The following DNAH12 variants were observed in gnomAD, a reference collection of about 807,000 sequenced individuals.
DNAH12 encodes the protein axonemal beta dynein heavy chain 12.
Under a neutral mutation model 371.5 loss-of-function variants are expected in DNAH12, and 285 were observed. The observed-to-expected ratio is 0.77, with a 90% confidence interval of 0.70 to 0.85. The LOEUF (loss-of-function observed/expected upper bound fraction) is 0.85. DNAH12 is among the 40% of genes least tolerant of loss of function. The pLI is 0.00. For missense variants in DNAH12, 3,611 were observed against 3,689.4 expected (o/e 0.98, Z 0.55); for synonymous variants, 1,200 against 1,213.0 (o/e 0.99, Z 0.22).
intron 13 of DNAH12, among the ~76,000 whole-genome samples, chr3:57,477,444 A>G (rs1401188753): frequency 6.6e-6 from 1 of 152,132 alleles, no homozygotes; most frequent in African/African-American, 2.4e-5. Context: ...AACTGGGTGG[A>G]GTGCACGGCA....
At chr3:57,376,609 A>G (rs1190136310) in intron 53 of DNAH12, among the ~76,000 whole-genome samples, 2 of 152,274 alleles carry the variant, frequency 1.3e-5, no homozygotes, top group African/African-American at 4.8e-5. Context: ...AGCCAGTTAT[A>G]TCTTCCTTAA....
At chr3:57,419,295 C>T in intron 37 of DNAH12, 72 bp downstream of exon 37, 1 of 1,384,314 alleles carries the variant, frequency 7.2e-7, no homozygotes, top group East Asian at 2.9e-5. Flanking sequence ...TCGAATACTT[C>T]AAAAATTGCC....
intron 59 of DNAH12, among the ~76,000 whole-genome samples, chr3:57,356,605 AAG>A (rs2062807296): frequency 2.0e-5 from 3 of 152,118 alleles, no homozygotes; most frequent in South Asian, 2.1e-4. Context: ...TGAAATATTT[AAG>A]AGAGAGAAGA....
chr3:57,323,109 T>G lies in DNAH12; in HGVS notation c.10281A>C (p.Ala3427=). The change falls in exon 64 of 74, where the codon GCA becomes GCC. Residue 3427 remains alanine, a synonymous_variant. Transcript: ENST00000495027. ...TTTCCAACATGGGCATCCAGGACAC[T>G]GCAAGATGGCAATTCTGTAGGCACA... is the stretch of plus-strand genomic sequence containing the variant. The part of the protein sequence containing the change: ...TWVCLQNCHL[A]VSWMPMLEKI... 6.4e-7 allele frequency: 1 copy of G among 1,552,442 alleles called. No homozygotes were observed. The highest frequency in any genetic ancestry group is 8.7e-7 in the Non-Finnish European group (1 of 1,147,156).
chr3:57,352,260 C>G, intron 59 of DNAH12, 35 bp from the exon 60 acceptor site: 1 of 1,510,912 alleles, frequency 6.6e-7, no homozygotes, highest in Non-Finnish European at 8.8e-7. Context: ...TATTGTCAAA[C>G]AAAACTAAGA....
intron 69 of DNAH12, among the ~76,000 whole-genome samples, chr3:57,304,174 C>T (rs557798169): frequency 3.3e-5 from 5 of 152,118 alleles, no homozygotes; most frequent in South Asian, 2.1e-4. Context: ...CCTCTCTTTT[C>T]GGACTCAGCC....
At position 57,521,063 on chromosome 3, in the gene DNAH12, C is replaced by CA. The variant is rs61570396; in HGVS notation, c.279+2519dup. Among the ~76,000 whole-genome samples, 361 of 54,472 alleles carry CA rather than the reference C, an allele frequency of 6.6e-3. 71 individuals are homozygous for CA. The highest frequency in any genetic ancestry group is 0.013 in the Admixed American group (36 of 2,734). The allele number at this position is 54,472 out of a possible 152,430, so 35.7% of individuals were successfully genotyped here. A position where few individuals can be genotyped will look rare whatever the true frequency, so the allele number is the denominator to read the frequency against. ...TGGGCGACAAAGTGAGACTCTGTCT[C>CA]AAAAAAAAAAAAAAAAAAAAAAAAA... On this transcript the variant is annotated intron_variant, in intron 4 of 73. Transcript: ENST00000495027.
At chr3:57,542,097 C>T (rs1254753486) in intron 2 of DNAH12, among the ~76,000 whole-genome samples, 1 of 141,428 alleles carries the variant, frequency 7.1e-6, no homozygotes, top group Non-Finnish European at 1.5e-5. Context: ...TGAACTGAAC[C>T]AACCTCATCA....
chr3:57,433,264 T>C, intron 32 of DNAH12, 103 bp downstream of exon 32: 1 of 1,326,428 alleles, frequency 7.5e-7, no homozygotes, highest in Non-Finnish European at 9.8e-7. Flanking sequence ...CTGCATCCTT[T>C]ATTTTTGCAT....
At chr3:57,506,333 C>G (rs1025795117) in intron 8 of DNAH12, among the ~76,000 whole-genome samples, 8 of 152,104 alleles carry the variant, frequency 5.3e-5, no homozygotes, top group African/African-American at 9.7e-5. Flanking sequence ...CTTAGAAGCT[C>G]GAAATTTACC....
intron 8 of DNAH12, among the ~76,000 whole-genome samples, chr3:57,507,367 T>C (rs2067800461): frequency 2.0e-5 from 3 of 152,152 alleles, no homozygotes; most frequent in Non-Finnish European, 4.4e-5. Context: ...AGTTCTTTTG[T>C]TAACATACTC....
At chr3:57,460,376 C>T (rs1366896881) in intron 19 of DNAH12, among the ~76,000 whole-genome samples, 1 of 152,138 alleles carries the variant, frequency 6.6e-6, no homozygotes, top group African/African-American at 2.4e-5. Flanking sequence ...AATAAGCCTC[C>T]TTATTCTCAA....
intron 44 of DNAH12, among the ~76,000 whole-genome samples, chr3:57,393,759 A>G (rs1240424575): frequency 6.6e-6 from 1 of 152,124 alleles, no homozygotes; most frequent in Non-Finnish European, 1.5e-5. Flanking sequence ...CAAGACTTTC[A>G]GATGTATCAA....
Position 57,389,839 on chromosome 3 carries a change from T to TATATAA in DNAH12, c.7305+2032_7305+2033insTTATAT, listed in dbSNP as rs1326237791. Reference sequence around the variant, plus strand: ...GTGTGTGTGTATATATATATATATATAATACTTTTTTTTTTGAAATGGAGT... The same window carrying TATATAA: ...GTGTGTGTGTATATATATATATATATATATAAAATACTTTTTTTTTTGAAATGGAGT... On this transcript the variant is annotated intron_variant, in intron 45 of 73. Coordinates refer to ENST00000495027, the MANE Select transcript of DNAH12 (RefSeq NM_001366028.2). Among the ~76,000 whole-genome samples the TATATAA allele has an allele frequency of 1.8e-4, 15 of 84,846 alleles. 1 individual carries two copies. The highest frequency in any genetic ancestry group is 3.5e-4 in the African/African-American group (10 of 28,958). The allele number at this position is 84,846 out of a possible 152,430, so 55.7% of individuals were successfully genotyped here.
intron 4 of DNAH12, among the ~76,000 whole-genome samples, chr3:57,522,856 T>C (rs2068501071): frequency 6.6e-6 from 1 of 151,958 alleles, no homozygotes; most frequent in Admixed American, 6.6e-5. Context: ...TTTTTTAATC[T>C]CTAGCACCTA....
rs1003437555 is a variant in DNAH12 at position 57,453,405 on chromosome 3, T to G, written c.3457-2A>C. 1 of 1,517,286 alleles carries G rather than the reference T, an allele frequency of 6.6e-7. No individual in the cohort carries two copies. The highest frequency in any genetic ancestry group is 8.8e-7 in the Non-Finnish European group (1 of 1,136,664). 94.0% of individuals were successfully genotyped at this position (1,517,286 alleles called of 1,614,324 possible). ...TTCCTTATAATACTTCTTTAATCCCTACAAAATAAAAAAAAAAGCAATCTA... is the reference window on the plus strand; with the variant it reads ...TTCCTTATAATACTTCTTTAATCCCGACAAAATAAAAAAAAAAGCAATCTA... On this transcript the variant is annotated splice_acceptor_variant, in intron 23 of 73. Coordinates refer to ENST00000495027, the MANE Select transcript of DNAH12 (RefSeq NM_001366028.2). LOFTEE classifies it high-confidence loss of function.
At chr3:57,349,807 C>G (rs2062629370) in intron 60 of DNAH12, among the ~76,000 whole-genome samples, 1 of 152,168 alleles carries the variant, frequency 6.6e-6, no homozygotes, top group African/African-American at 2.4e-5. Context: ...CTTGCCTCAG[C>G]CTCTTGAGTA....
intron 34 of DNAH12, among the ~76,000 whole-genome samples, chr3:57,426,930 T>C (rs2064788906): frequency 6.6e-6 from 1 of 152,116 alleles, no homozygotes; most frequent in Non-Finnish European, 1.5e-5. Context: ...TTTGTATTAT[T>C]TATAATATAT....
At chr3:57,543,477 C>A (rs879761964) in intron 1 of DNAH12, among the ~76,000 whole-genome samples, 6 of 151,200 alleles carry the variant, frequency 4.0e-5, no homozygotes, top group Non-Finnish European at 5.9e-5. Flanking sequence ...TGCGCAACCA[C>A]GCCCAGCTAC....
Sources: allele counts gnomAD v4.1 joint callset (sites outside exome capture counted in the v4.1 genomes callset), GRCh38; gene constraint gnomAD v4.1.1; transcripts MANE v1.5; gene names NCBI Gene and HGNC (gene_info 2026-07-23, HGNC 2026-07-21).